The following INSL6 variants were observed in gnomAD, a reference collection of about 807,000 sequenced individuals.
INSL6 encodes insulin like 6.
A neutral mutation model predicts 9.4 loss-of-function variants in INSL6; 16 were observed. That is an observed-to-expected ratio of 1.70 (90% CI 1.15 to 2.59). The LOEUF is 2.59. Ranked by LOEUF, INSL6 falls within the 30% of genes most tolerant of loss-of-function variation. The pLI, the probability that INSL6 is intolerant of heterozygous loss-of-function variation, is 0.00. For synonymous variants in INSL6, 154 were observed against 96.9 expected (o/e 1.59, Z -3.46); for missense variants, 391 against 257.3 (o/e 1.52, Z -3.56).
At chr9:5,066,180 C>G in the INSL6 span, among the ~76,000 whole-genome samples, 2 of 152,012 alleles carry the variant, frequency 1.3e-5, no homozygotes, top group Non-Finnish European at 2.9e-5. Flanking sequence ...CTTCAGAAAA[C>G]ATAAAAAATT....
chr9:5,145,581 T>C (rs957002080), intron 2 of INSL6, among the ~76,000 whole-genome samples: 1 of 152,196 alleles, frequency 6.6e-6, no homozygotes, highest in African/African-American at 2.4e-5. Flanking sequence ...TTCCCAGCTC[T>C]TTCAGATATA....
At chr9:5,042,206 C>T in the INSL6 span, among the ~76,000 whole-genome samples, 5 of 148,710 alleles carry the variant, frequency 3.4e-5, no homozygotes, top group Middle Eastern at 0.014. Context: ...GGCGCAATCT[C>T]GGCTCACTGC....
intron 1 of INSL6, among the ~76,000 whole-genome samples, chr9:5,164,862 C>G (rs573098709): frequency 2.0e-5 from 3 of 152,270 alleles, no homozygotes; most frequent in African/African-American, 7.2e-5. Context: ...TTTTGTTTAT[C>G]CATTTATCAA....
intron 2 of INSL6, among the ~76,000 whole-genome samples, chr9:5,141,026 G>A (rs981069475): frequency 4.6e-5 from 7 of 152,008 alleles, no homozygotes; most frequent in African/African-American, 1.7e-4. Flanking sequence ...CCATGTCCCT[G>A]CAAAGGACAT....
downstream of INSL6, among the ~76,000 whole-genome samples, chr9:5,162,363 T>C (rs1255970942): frequency 6.6e-6 from 1 of 152,172 alleles, no homozygotes; most frequent in African/African-American, 2.4e-5. Flanking sequence ...CAATCTAACA[T>C]ACAAATTATT....
chr9:5,041,377 C>T, the INSL6 span: 11 of 625,314 alleles, frequency 1.8e-5, no homozygotes, highest in South Asian at 3.5e-5. Flanking sequence ...TGCACCTGGG[C>T]AAGGAGCAGA....
the INSL6 span, among the ~76,000 whole-genome samples, chr9:5,013,403 G>A: frequency 6.6e-6 from 1 of 152,172 alleles, no homozygotes; most frequent in South Asian, 2.1e-4. Context: ...TCTTGCAATA[G>A]AATGCAAAAT....
downstream of INSL6, among the ~76,000 whole-genome samples, chr9:5,121,740 CT>C (rs554986237): frequency 2.0e-3 from 300 of 152,230 alleles, 1 homozygote; most frequent in African/African-American, 6.8e-3. Flanking sequence ...AGGAGTCTTT[CT>C]TCTTATTTTC....
chr9:5,063,690 T>C, the INSL6 span, among the ~76,000 whole-genome samples: 174 of 152,116 alleles, frequency 1.1e-3, 2 homozygotes, highest in African/African-American at 3.8e-3. Flanking sequence ...AAAAGTTGCA[T>C]AAGAGTGTTT....
At chr9:5,066,638 G>A in the INSL6 span, 2 of 1,080,448 alleles carry the variant, frequency 1.9e-6, no homozygotes, top group Admixed American at 3.4e-5. Context: ...ATATTATGGT[G>A]CTTGATATAT....
downstream of INSL6, among the ~76,000 whole-genome samples, chr9:5,122,829 C>CT (rs1026299560): frequency 6.0e-5 from 9 of 149,264 alleles, no homozygotes; most frequent in Non-Finnish European, 1.2e-4. Context: ...CTCCTGAAAT[C>CT]TAAGTTCACA....
At chr9:5,160,791 T>C (rs1295598808), downstream of INSL6, among the ~76,000 whole-genome samples, 6 of 152,014 alleles carry the variant, frequency 3.9e-5, no homozygotes, top group South Asian at 1.0e-3. Flanking sequence ...AAAAGGATCA[T>C]TAGAGGCTAC....
At chr9:5,064,444 C>T in the INSL6 span, among the ~76,000 whole-genome samples, 224 of 150,810 alleles carry the variant, frequency 1.5e-3, 4 homozygotes, top group Non-Finnish European at 2.5e-3. Flanking sequence ...GTGGGTGGAT[C>T]GCTTGAGCCT....
In INSL6 at chr9:5,178,268, G is replaced by C. The variant is rs540392579; in HGVS notation, c.289+7046C>G. On this transcript the variant is annotated intron_variant, in intron 1 of 1. Transcript: ENST00000381641. ...CACTCCAGCCAGGGTTACAGGGACA[G>C]AGCTGTGATCTCTCCCTAGGACTGA... Among the ~76,000 whole-genome samples the C allele has an allele frequency of 8.9e-4, 136 of 152,300 alleles. 3 individuals carry two copies. The South Asian group carries it at 0.017, about 20-fold the overall frequency.
chr9:5,091,052 T>G, the INSL6 span: 2 of 618,626 alleles, frequency 3.2e-6, no homozygotes, highest in Non-Finnish European at 5.5e-6. Context: ...TAACTTTTTT[T>G]TTTTAGGTCT....
chr9:5,066,398 C>T, the INSL6 span, among the ~76,000 whole-genome samples: 2 of 151,982 alleles, frequency 1.3e-5, no homozygotes, highest in Admixed American at 1.3e-4. Flanking sequence ...AATCAGCAGG[C>T]AGAAAAATCA....
At chr9:4,998,535 A>C in the INSL6 span, among the ~76,000 whole-genome samples, 1 of 151,948 alleles carries the variant, frequency 6.6e-6, no homozygotes, top group Non-Finnish European at 1.5e-5. Flanking sequence ...GATTACAGGC[A>C]TGAGCCACCA....
At chr9:5,082,469 A>G in the INSL6 span, among the ~76,000 whole-genome samples, 1 of 152,268 alleles carries the variant, frequency 6.6e-6, no homozygotes, top group Non-Finnish European at 1.5e-5. Context: ...TTTTTCTCCT[A>G]TCTCAGAAAT....
the INSL6 span, among the ~76,000 whole-genome samples, chr9:5,062,832 C>T: frequency 1.2e-4 from 18 of 152,206 alleles, no homozygotes; most frequent in Non-Finnish European, 1.8e-4. Context: ...TTGAGCAATA[C>T]CTCATGTGTT....
Sources: gnomAD v4.1 joint callset for allele counts (sites outside exome capture counted in the v4.1 genomes callset) on GRCh38, gnomAD v4.1.1 for gene constraint, MANE v1.5 for transcripts, NCBI Gene and HGNC (gene_info 2026-07-23, HGNC 2026-07-21) for gene names.